ETV5: variants seen among roughly 807,000 people sequenced by gnomAD.
ETV5 encodes ETS translocation variant 5.
A neutral mutation model predicts 70.0 loss-of-function variants in ETV5; 10 were observed. The observed-to-expected ratio is 0.14, with a 90% CI of 0.09 to 0.24. The LOEUF is 0.24. ETV5 is among the 10% of genes least tolerant of loss of function. ETV5 has a pLI of 1.00. For missense variants in ETV5, 453 were observed against 651.2 expected (o/e 0.70, Z 3.31); for synonymous variants, 216 against 242.2 (o/e 0.89, Z 1.01).
intron 7 of ETV5, among the ~76,000 whole-genome samples, chr3:186,077,452 C>A (rs191845241): frequency 4.3e-4 from 66 of 152,272 alleles, no homozygotes; most frequent in Admixed American, 2.3e-3. Flanking sequence ...TATCCAGTAT[C>A]TAGAAGAAAA....
At chr3:186,077,221 G>A (rs182861447) in intron 7 of ETV5, among the ~76,000 whole-genome samples, 19 of 152,278 alleles carry the variant, frequency 1.2e-4, no homozygotes, top group Admixed American at 3.3e-4. Flanking sequence ...ATTTGTATTA[G>A]GGATTTCGTT....
At chr3:186,053,940 C>T (rs1270526511) in intron 11 of ETV5, among the ~76,000 whole-genome samples, 1 of 152,206 alleles carries the variant, frequency 6.6e-6, no homozygotes, top group African/African-American at 2.4e-5. Context: ...CAGAGAAGCC[C>T]AGCCTCATCA....
In ETV5 at chr3:186,064,407, G is replaced by T. The variant is rs949674364; in HGVS notation, c.970+10C>A. On this transcript the variant is annotated intron_variant, in intron 9 of 12. Transcript: ENST00000306376. ...GAGGAGAGAAGAGGAAAGAAAAGCA[G>T]GTTCCTTACCTTCATGGCTGCTGGA... 6 of 1,613,520 alleles carry T rather than the reference G, an allele frequency of 3.7e-6. No individual in the cohort carries two copies. The African/African-American group carries it at 6.7e-5, about 18-fold the overall frequency.
At chr3:186,106,822 TCTC>T (rs923117013) in intron 1 of ETV5, 4 of 413,856 alleles carry the variant, frequency 9.7e-6, no homozygotes, top group African/African-American at 6.5e-5. Context: ...GGAGAAAACT[TCTC>T]CTAACGTGAG....
chr3:186,092,693 C>A (rs961573093), intron 5 of ETV5, among the ~76,000 whole-genome samples: 1 of 152,048 alleles, frequency 6.6e-6, no homozygotes, highest in South Asian at 2.1e-4. Flanking sequence ...CTCAGCCCCC[C>A]AAAGTGTTGG....
At chr3:186,083,916 G>C (rs1713992640) in intron 5 of ETV5, among the ~76,000 whole-genome samples, 1 of 152,142 alleles carries the variant, frequency 6.6e-6, no homozygotes, top group Non-Finnish European at 1.5e-5. Context: ...ACAAGGCTCA[G>C]CTCCTCAAAG....
At chr3:186,095,009 C>T (rs1714270673) in intron 5 of ETV5, 1 of 152,218 alleles carries the variant, frequency 6.6e-6, no homozygotes, top group South Asian at 2.1e-4. Context: ...ATGTGAGGGA[C>T]TGGCAGGATT....
intron 1 of ETV5, chr3:186,108,409 G>C: frequency 1.2e-6 from 1 of 831,740 alleles, no homozygotes; most frequent in Non-Finnish European, 1.8e-6. Flanking sequence ...AACTTGCAAG[G>C]CCTGCGTAAG....
At chr3:186,102,299 T>G (rs1409126467) in intron 5 of ETV5, among the ~76,000 whole-genome samples, 2 of 152,072 alleles carry the variant, frequency 1.3e-5, no homozygotes, top group Non-Finnish European at 2.9e-5. Flanking sequence ...ATCAAATCAT[T>G]ATTAATAGGA....
chr3:186,057,734 A>G lies in ETV5; in HGVS notation c.971-243T>C, dbSNP rs1425276452. Reference sequence around the variant, plus strand: ...GCTTTTACAGCTAAGACTGCAGGGAAGTGCTGAGTCACCAGTACGTTCCTT... The same window carrying G: ...GCTTTTACAGCTAAGACTGCAGGGAGGTGCTGAGTCACCAGTACGTTCCTT... On this transcript the variant is annotated intron_variant, in intron 9 of 12. Transcript: ENST00000306376. This position sits in a 1 kb window ranked among gnomAD's most constrained non-coding sequence, Gnocchi z 4.9. Among the ~76,000 whole-genome samples, 2 of 152,176 alleles carry G rather than the reference A, an allele frequency of 1.3e-5. No homozygotes were observed. The highest frequency in any genetic ancestry group is 6.5e-5 in the Admixed American group (1 of 15,286).
intron 6 of ETV5, 83 bp from the exon 7 acceptor site, chr3:186,080,187 G>A: frequency 1.7e-6 from 2 of 1,189,468 alleles, no homozygotes; most frequent in Non-Finnish European, 2.3e-6. Flanking sequence ...AAGCTAGTTT[G>A]CAGCCCATTG....
At chr3:186,103,910 C>T (rs1027100378) in intron 5 of ETV5, among the ~76,000 whole-genome samples, 2 of 152,174 alleles carry the variant, frequency 1.3e-5, no homozygotes, top group South Asian at 4.1e-4. Flanking sequence ...TCTGCTCTTA[C>T]ATTTAAAAGA....
chr3:186,097,989 G>C (rs1048364600), intron 5 of ETV5, among the ~76,000 whole-genome samples: 1 of 152,204 alleles, frequency 6.6e-6, no homozygotes. Flanking sequence ...TCTGCTAGCT[G>C]GGGCAGACCT....
intron 12 of ETV5, among the ~76,000 whole-genome samples, chr3:186,051,679 T>A (rs1420459019): frequency 6.6e-6 from 1 of 152,230 alleles, no homozygotes; most frequent in Admixed American, 6.5e-5. Flanking sequence ...GCTGTTGAAG[T>A]AGAGACCTTC....
At chr3:186,051,856 T>C (rs1009988995) in intron 12 of ETV5, among the ~76,000 whole-genome samples, 174 bp downstream of exon 12, 1 of 152,216 alleles carries the variant, frequency 6.6e-6, no homozygotes, top group Non-Finnish European at 1.5e-5. Flanking sequence ...ATGTACTCTA[T>C]ATCTCATTTG....
chr3:186,099,552 AC>A (rs1714399963), intron 5 of ETV5, among the ~76,000 whole-genome samples: 1 of 152,192 alleles, frequency 6.6e-6, no homozygotes, highest in Non-Finnish European at 1.5e-5. Flanking sequence ...GATGTACTTT[AC>A]CACCACTAAA....
At chr3:186,097,117 G>A (rs2150153846) in intron 5 of ETV5, among the ~76,000 whole-genome samples, 1 of 152,250 alleles carries the variant, frequency 6.6e-6, no homozygotes, top group African/African-American at 2.4e-5. Flanking sequence ...TTTGGTTTGG[G>A]GGTTGCTCAG....
chr3:186,106,375 C>A (rs1170787033), intron 1 of ETV5, among the ~76,000 whole-genome samples: 4 of 152,092 alleles, frequency 2.6e-5, no homozygotes. Context: ...TTTAAGTATT[C>A]CAAATTATTG....
chr3:186,102,593 C>T (rs540681160), intron 5 of ETV5, among the ~76,000 whole-genome samples: 10 of 139,310 alleles, frequency 7.2e-5, no homozygotes, highest in South Asian at 6.8e-4. Flanking sequence ...GCCGAGATTG[C>T]GCCATTGCAC....
Sources: gnomAD v4.1 joint callset for allele counts (sites outside exome capture counted in the v4.1 genomes callset) on GRCh38, gnomAD v4.1.1 for gene constraint, Gnocchi (gnomAD v3.1) non-coding constraint, MANE v1.5 for transcripts, NCBI Gene and HGNC (gene_info 2026-07-23, HGNC 2026-07-21) for gene names.